Variants in FAM151B observed in about 807,000 individuals in gnomAD.
FAM151B encodes the protein protein FAM151B.
FAM151B carries 24 observed loss-of-function variants against 31.2 expected under a neutral mutation model. That is an observed-to-expected ratio of 0.77 (90% CI 0.56 to 1.08). The LOEUF (loss-of-function observed/expected upper bound fraction) is 1.08, where lower values mean the gene tolerates loss of function less well. Among genes scored for constraint, FAM151B ranks in the 50% least tolerant of loss-of-function variants. The probability of loss-of-function intolerance (pLI) is 0.00; values close to 1 mark genes in which losing one functional copy is unlikely to be tolerated. For synonymous variants in FAM151B, 105 were observed against 111.4 expected (o/e 0.94, Z 0.36); for missense variants, 293 against 328.6 (o/e 0.89, Z 0.84).
chr5:80,533,037 T>C (rs911559890), intron 5 of FAM151B, among the ~76,000 whole-genome samples: 2 of 152,080 alleles, frequency 1.3e-5, no homozygotes, highest in Non-Finnish European at 2.9e-5. Context: ...AGTGCCTACA[T>C]CGAAAATTTT....
chr5:80,490,730 AG>A (rs1743292288), intron 1 of FAM151B, among the ~76,000 whole-genome samples: 1 of 152,230 alleles, frequency 6.6e-6, no homozygotes, highest in Non-Finnish European at 1.5e-5. Flanking sequence ...TCCATCTTGT[AG>A]CATGTTTCAA....
chr5:80,537,258 G>A (rs192190577), intron 5 of FAM151B, among the ~76,000 whole-genome samples: 3 of 152,276 alleles, frequency 2.0e-5, no homozygotes, highest in East Asian at 1.9e-4. Flanking sequence ...TCCCTTCAGC[G>A]TTCTGGGTGG....
intron 1 of FAM151B, among the ~76,000 whole-genome samples, chr5:80,496,973 G>T (rs1255815394): frequency 2.0e-5 from 3 of 151,844 alleles, no homozygotes; most frequent in African/African-American, 2.4e-5. Context: ...ACCACACCCA[G>T]CTAATTTTTG....
Position 80,496,431 on chromosome 5 carries a change from G to C in FAM151B, c.26-5361G>C, listed in dbSNP as rs72763576. On this transcript the variant is annotated intron_variant, in intron 1 of 5. Transcript: ENST00000282226. ...GCTATTGTACAACTAATAGGCTACAGTATAACAGTGTAAACATAACTTTTA... is the reference window on the plus strand; with the variant it reads ...GCTATTGTACAACTAATAGGCTACACTATAACAGTGTAAACATAACTTTTA... Among the ~76,000 whole-genome samples, 651 of 152,310 alleles carry C rather than the reference G, an allele frequency of 4.3e-3. 2 individuals are homozygous for C. The highest frequency in any genetic ancestry group is 6.2e-3 in the Non-Finnish European group (421 of 68,030).
chr5:80,509,447 T>C (rs987905513), intron 2 of FAM151B, among the ~76,000 whole-genome samples: 1 of 152,194 alleles, frequency 6.6e-6, no homozygotes, highest in Non-Finnish European at 1.5e-5. Flanking sequence ...CCTCTTTAAG[T>C]ATCAGCACTT....
intron 5 of FAM151B, among the ~76,000 whole-genome samples, chr5:80,535,899 T>C (rs1391372238): frequency 6.6e-6 from 1 of 151,878 alleles, no homozygotes; most frequent in Non-Finnish European, 1.5e-5. Context: ...CTGGAAAAAA[T>C]CTAATCTGAT....
Position 80,517,639 on chromosome 5 carries a change from A to G in FAM151B, c.318-2054A>G, listed in dbSNP as rs560490253. Among the ~76,000 whole-genome samples, 9 of 152,344 alleles carry G rather than the reference A, an allele frequency of 5.9e-5. No homozygotes were observed. In the South Asian group the frequency reaches 1.7e-3, roughly 28 times the overall value. ...GATAATTAAAATATTTACATATAAAATGGAATAAATGTACTAAATTCTTGC... is the reference window on the plus strand; with the variant it reads ...GATAATTAAAATATTTACATATAAAGTGGAATAAATGTACTAAATTCTTGC... On this transcript the variant is annotated intron_variant, in intron 3 of 5. Transcript: ENST00000282226.
chr5:80,499,038 G>T, intron 1 of FAM151B: 2 of 170,354 alleles, frequency 1.2e-5, no homozygotes, highest in Non-Finnish European at 2.5e-5. Context: ...GTAGTTTTAG[G>T]TTTTTAACTG....
chr5:80,531,297 T>C (rs1427027143), intron 5 of FAM151B, among the ~76,000 whole-genome samples: 2 of 152,158 alleles, frequency 1.3e-5, no homozygotes, highest in Non-Finnish European at 2.9e-5. Context: ...GAAGAAAACC[T>C]AGGCAATACC....
intron 1 of FAM151B, among the ~76,000 whole-genome samples, chr5:80,494,188 G>T (rs972906575): frequency 6.6e-6 from 1 of 152,202 alleles, no homozygotes; most frequent in Non-Finnish European, 1.5e-5. Context: ...GCCTAATCCA[G>T]AGTAAGGCCC....
At chr5:80,517,679 T>G (rs1337423083) in intron 3 of FAM151B, among the ~76,000 whole-genome samples, 1 of 152,224 alleles carries the variant, frequency 6.6e-6, no homozygotes, top group African/African-American at 2.4e-5. Context: ...CTGTGTTCTT[T>G]GTCATAGTTC....
At chr5:80,530,691 A>G (rs1218349388) in intron 5 of FAM151B, among the ~76,000 whole-genome samples, 2 of 152,198 alleles carry the variant, frequency 1.3e-5, no homozygotes, top group South Asian at 2.1e-4. Context: ...GATGTGAAGG[A>G]CCTCTTCAAG....
intron 4 of FAM151B, among the ~76,000 whole-genome samples, chr5:80,520,922 T>C (rs1327766914): frequency 2.0e-5 from 3 of 149,318 alleles, no homozygotes; most frequent in African/African-American, 7.3e-5. Context: ...GTTCAAGTGA[T>C]TCTCGTGCAT....
intron 1 of FAM151B, among the ~76,000 whole-genome samples, chr5:80,497,241 C>T (rs1436624474): frequency 6.6e-6 from 1 of 152,024 alleles, no homozygotes; most frequent in Non-Finnish European, 1.5e-5. Context: ...ACCTGGCCAA[C>T]ATGGTGAAAC....
In FAM151B at chr5:80,526,453, CA is replaced by C. The variant is rs35345817; in HGVS notation, c.671+4332del. On this transcript the variant is annotated intron_variant, in intron 5 of 5. Coordinates refer to ENST00000282226, the MANE Select transcript of FAM151B (RefSeq NM_205548.3). ...GTGAAACACCATCTCTACTAAAGTC[CA>C]AAAAAAAAAAAAAAAATTAGCCATG... Among the ~76,000 whole-genome samples the C allele has an allele frequency of 4.3e-3, 549 of 126,960 alleles. 1 individual carries two copies. Among genetic ancestry groups the C allele is most frequent in the African/African-American group, 7.2e-3 (249 of 34,518 alleles). The allele number at this position is 126,960 out of a possible 152,430, so 83.3% of individuals were successfully genotyped here.
At chr5:80,531,837 C>T (rs1745257424) in intron 5 of FAM151B, among the ~76,000 whole-genome samples, 1 of 152,128 alleles carries the variant, frequency 6.6e-6, no homozygotes, top group South Asian at 2.1e-4. Flanking sequence ...GGTGATTCCT[C>T]AAGGATCTAG....
chr5:80,538,452 T>TCTCTCTC (rs1745665773), intron 5 of FAM151B, among the ~76,000 whole-genome samples: 1 of 49,502 alleles, frequency 2.0e-5, no homozygotes, highest in African/African-American at 7.2e-5. Flanking sequence ...TTCTTTCTCT[T>TCTCTCTC]TCTTTCTTTC....
chr5:80,528,676 A>C (rs1745082720), intron 5 of FAM151B, among the ~76,000 whole-genome samples: 2 of 151,918 alleles, frequency 1.3e-5, no homozygotes, highest in African/African-American at 4.8e-5. Flanking sequence ...GGCTGCAGTG[A>C]GCTATAATCA....
At chr5:80,505,978 G>A (rs374683295) in intron 2 of FAM151B, 8 of 484,122 alleles carry the variant, frequency 1.7e-5, no homozygotes, top group African/African-American at 1.5e-4. Flanking sequence ...GACTGGTCTC[G>A]AACTCCTGAC....
Sources: allele counts gnomAD v4.1 joint callset (sites outside exome capture counted in the v4.1 genomes callset), GRCh38; gene constraint gnomAD v4.1.1; transcripts MANE v1.5; gene names NCBI Gene and HGNC (gene_info 2026-07-23, HGNC 2026-07-21).